The following NSL1 variants were observed in gnomAD, a reference collection of about 807,000 sequenced individuals.
NSL1 encodes the protein NSL1 component of MIS12 kinetochore complex.
A neutral mutation model predicts 25.4 loss-of-function variants in NSL1; 11 were observed. That is an observed-to-expected ratio of 0.43 (90% CI 0.27 to 0.72). NSL1 has a LOEUF of 0.72. Among genes scored for constraint, NSL1 ranks in the 30% least tolerant of loss-of-function variants. NSL1 has a pLI of 0.19. For missense variants in NSL1, 330 were observed against 342.7 expected (o/e 0.96, Z 0.29); for synonymous variants, 118 against 120.6 (o/e 0.98, Z 0.14).
rs965539552 is a variant in NSL1 at position 212,726,318 on chromosome 1, G to A, written c.*12090C>T. On this transcript the variant is annotated 3_prime_UTR_variant, in exon 6 of 6. Transcript: ENST00000366977. ...CCATAAACAACTACTCTACTCAGTA[G>A]GAAGAAAAAAACCCACAAAACAATA... 1 of 152,116 alleles carries A rather than the reference G, an allele frequency of 6.6e-6. No homozygotes were observed. The highest frequency in any genetic ancestry group is 6.5e-5 in the Admixed American group (1 of 15,278). The allele number at this position is 152,116 out of a possible 1,614,324, so 9.4% of individuals were successfully genotyped here.
Position 212,735,998 on chromosome 1 carries a change from T to A in NSL1, c.*2410A>T. ...AGTTTTCAGAAACCAGCTTTGACAG[T>A]GTTCTCTCTTCTTTGGGACTAGACT... On this transcript the variant is annotated 3_prime_UTR_variant, in exon 6 of 6. Transcript: ENST00000366977. The A allele has an allele frequency of 1.0e-6, 1 of 985,410 alleles. No individual in the cohort carries two copies. The highest frequency in any genetic ancestry group is 1.1e-4 in the East Asian group (1 of 8,816). The allele number at this position is 985,410 out of a possible 1,614,324, so 61.0% of individuals were successfully genotyped here. A position where few individuals can be genotyped will look rare whatever the true frequency, so the allele number is the denominator to read the frequency against.
At chr1:212,770,560 C>A (rs1377506436) in intron 4 of NSL1, among the ~76,000 whole-genome samples, 2 of 152,026 alleles carry the variant, frequency 1.3e-5, no homozygotes, top group African/African-American at 4.8e-5. Context: ...TAAAAAGGCT[C>A]CCAAAAGAGA....
At chr1:212,773,741 T>C (rs1035354878) in intron 4 of NSL1, among the ~76,000 whole-genome samples, 3 of 152,184 alleles carry the variant, frequency 2.0e-5, no homozygotes, top group Non-Finnish European at 4.4e-5. Context: ...CACATCCCCA[T>C]TTTTATTACA....
In NSL1 at chr1:212,750,943, G is replaced by GA. The variant is rs200002415; in HGVS notation, c.500-11343dup. Among the ~76,000 whole-genome samples the GA allele has an allele frequency of 6.0e-5, 9 of 150,974 alleles. No individual in the cohort carries two copies. In the East Asian group the frequency reaches 9.7e-4, roughly 16 times the overall value. ...GTCACAGAGCAAGACTGCCTCAAAC[G>GA]AAAAAAAATAATAATAAAGCAATTA... is the stretch of plus-strand genomic sequence containing the variant. On this transcript the variant is annotated intron_variant, in intron 4 of 5. Transcript: ENST00000366977.
At chr1:212,790,941 A>AAAAT (rs375818985) in intron 1 of NSL1, among the ~76,000 whole-genome samples, 29 of 151,730 alleles carry the variant, frequency 1.9e-4, no homozygotes, top group African/African-American at 3.1e-4. Flanking sequence ...AAAATAAAAT[A>AAAAT]AAATAAATAA....
At chr1:212,779,443 G>C (rs1161512555) in intron 4 of NSL1, among the ~76,000 whole-genome samples, 1 of 123,554 alleles carries the variant, frequency 8.1e-6, no homozygotes, top group Admixed American at 7.6e-5. Context: ...GCCTCTGCCC[G>C]GCCGCCCCTA....
At chr1:212,764,880 GA>G (rs141701718) in intron 4 of NSL1, among the ~76,000 whole-genome samples, 24,479 of 100,962 alleles carry the variant, frequency 0.24, 2,516 homozygotes, top group African/African-American at 0.36. Flanking sequence ...AAGAAAGAAA[GA>G]AAAAAAAAAG....
In NSL1 at chr1:212,735,889, G is replaced by A. The variant is rs747283823; in HGVS notation, c.*2519C>T. ...GGACTTCTAGCCTCCAGAACTGTGA[G>A]AAGTAAGTATCTGTTGTTTAAGCCA... On this transcript the variant is annotated 3_prime_UTR_variant, in exon 6 of 6. Coordinates refer to ENST00000366977, the MANE Select transcript of NSL1 (RefSeq NM_015471.4). The A allele has an allele frequency of 9.5e-5, 88 of 928,284 alleles. No homozygotes were observed. The highest frequency in any genetic ancestry group is 1.1e-4 in the Non-Finnish European group (88 of 778,078). 57.5% of individuals were successfully genotyped at this position (928,284 alleles called of 1,614,324 possible).
Position 212,737,426 on chromosome 1 carries a change from G to GA in NSL1, c.*981dup. 1.0e-6 allele frequency: 1 copy of GA among 985,256 alleles called. No individual in the cohort carries two copies. The highest frequency in any genetic ancestry group is 1.2e-6 in the Non-Finnish European group (1 of 829,770). The allele number at this position is 985,256 out of a possible 1,614,324, so 61.0% of individuals were successfully genotyped here. ...GAAGGTATCAGAGTCATCAAAAGGG[G>GA]AAACAGTTGGTAAGTTTGATGGCCC... On this transcript the variant is annotated 3_prime_UTR_variant, in exon 6 of 6. Coordinates refer to ENST00000366977, the MANE Select transcript of NSL1 (RefSeq NM_015471.4).
intron 4 of NSL1, among the ~76,000 whole-genome samples, chr1:212,779,201 C>A (rs1439742060): frequency 6.6e-6 from 1 of 151,984 alleles, no homozygotes; most frequent in Admixed American, 6.5e-5. Context: ...AGCGTCTCCG[C>A]CCGGCCAGCC....
chr1:212,779,133 C>T (rs1333959288), intron 4 of NSL1, among the ~76,000 whole-genome samples: 1 of 151,158 alleles, frequency 6.6e-6, no homozygotes, highest in Non-Finnish European at 1.5e-5. Context: ...TGGCAACCGC[C>T]CCATCTGAGA....
intron 4 of NSL1, among the ~76,000 whole-genome samples, chr1:212,765,046 A>C (rs569802975): frequency 6.6e-5 from 10 of 152,078 alleles, no homozygotes; most frequent in African/African-American, 2.4e-4. Context: ...AAGAAATAGA[A>C]ACCCTGAACA....
chr1:212,748,758 G>T (rs966505630), intron 4 of NSL1, among the ~76,000 whole-genome samples: 1 of 152,144 alleles, frequency 6.6e-6, no homozygotes, highest in Non-Finnish European at 1.5e-5. Flanking sequence ...GTTATACAGG[G>T]TATCCATAAG....
chr1:212,745,201 T>C (rs1451404853), intron 4 of NSL1, among the ~76,000 whole-genome samples: 1 of 78,968 alleles, frequency 1.3e-5, no homozygotes, highest in African/African-American at 7.2e-5. Flanking sequence ...TATATATATA[T>C]ATGCATATGC....
chr1:212,735,618 A>G lies in NSL1; in HGVS notation c.*2790T>C, dbSNP rs1658203808. 1 of 804,074 alleles carries G rather than the reference A, an allele frequency of 1.2e-6. No individual in the cohort carries two copies. The highest frequency in any genetic ancestry group is 5.7e-5 in the South Asian group (1 of 17,658). 49.8% of individuals were successfully genotyped at this position (804,074 alleles called of 1,614,324 possible). On this transcript the variant is annotated 3_prime_UTR_variant, in exon 6 of 6. Transcript: ENST00000366977. ...ATGAAGCCTTAACTCCCATGTGCCTATAGCTGTATTTGGAGATGGGGCCTC... is the reference window on the plus strand; with the variant it reads ...ATGAAGCCTTAACTCCCATGTGCCTGTAGCTGTATTTGGAGATGGGGCCTC...
intron 4 of NSL1, among the ~76,000 whole-genome samples, chr1:212,779,847 C>T (rs76526661): frequency 0.28 from 27,494 of 99,966 alleles, 4,822 homozygotes; most frequent in Non-Finnish European, 0.38. Context: ...GTCAGCCCCC[C>T]GCCCGACCAG....
Position 212,738,024 on chromosome 1 carries a change from CTTTTT to C in NSL1, c.*379_*383del. On this transcript the variant is annotated 3_prime_UTR_variant, in exon 6 of 6. Coordinates refer to ENST00000366977, the MANE Select transcript of NSL1 (RefSeq NM_015471.4). ...GAAAAATCATTATACAGCTCTCTCT[CTTTTT>C]TTTTTTTTTCCTAGAAAGATGTATA... The C allele has an allele frequency of 1.1e-6, 1 of 885,908 alleles. No homozygotes were observed. The highest frequency in any genetic ancestry group is 5.1e-5 in the South Asian group (1 of 19,570). The allele number at this position is 885,908 out of a possible 1,614,324, so 54.9% of individuals were successfully genotyped here.
intron 4 of NSL1, chr1:212,763,921 CAA>C (rs555071469): frequency 3.6e-6 from 1 of 279,328 alleles, no homozygotes; most frequent in Non-Finnish European, 7.2e-6. Context: ...TATCCTAGAA[CAA>C]ATGAACTTAA....
chr1:212,749,725 G>T (rs1198639107), intron 4 of NSL1, among the ~76,000 whole-genome samples: 2 of 151,972 alleles, frequency 1.3e-5, no homozygotes, highest in Non-Finnish European at 2.9e-5. Context: ...ACCTTAAAAA[G>T]AAATTTGTCT....
Sources: allele counts gnomAD v4.1 joint callset (sites outside exome capture counted in the v4.1 genomes callset), GRCh38; gene constraint gnomAD v4.1.1; transcripts MANE v1.5; gene names NCBI Gene and HGNC (gene_info 2026-07-23, HGNC 2026-07-21).